The following FLT1 variants were observed in gnomAD, a reference collection of about 807,000 sequenced individuals.
FLT1 encodes fms related receptor tyrosine kinase 1.
Under a neutral mutation model 156.3 loss-of-function variants are expected in FLT1, and 49 were observed. The observed-to-expected ratio is 0.31, with a 90% CI of 0.25 to 0.40. The LOEUF is 0.40. Ranked by LOEUF, FLT1 falls within the 10% of genes least tolerant of loss-of-function variation. The pLI, the probability that FLT1 is intolerant of heterozygous loss-of-function variation, is 1.00. For missense variants in FLT1, 1,322 were observed against 1,637.2 expected (o/e 0.81, Z 3.32); for synonymous variants, 594 against 583.8 (o/e 1.02, Z -0.25).
At position 28,449,698 on chromosome 13, in the gene FLT1, T is replaced by C. The variant is rs569788229; in HGVS notation, c.389-11353A>G. Among the ~76,000 whole-genome samples the C allele has an allele frequency of 2.6e-5, 4 of 152,348 alleles. No individual in the cohort carries two copies. The East Asian group carries it at 7.7e-4, about 29-fold the overall frequency. On this transcript the variant is annotated intron_variant, in intron 3 of 29. Transcript: ENST00000282397. ...TCAGACTCAAGATGCCATTCTGAAATGAAACATTTAAAAATGTATTATTTG... is the reference window on the plus strand; with the variant it reads ...TCAGACTCAAGATGCCATTCTGAAACGAAACATTTAAAAATGTATTATTTG...
intron 17 of FLT1, among the ~76,000 whole-genome samples, chr13:28,334,952 T>C (rs1872061353): frequency 6.6e-6 from 1 of 152,130 alleles, no homozygotes; most frequent in African/African-American, 2.4e-5. Context: ...CTATCTGTTA[T>C]TACTGAATAT....
At chr13:28,372,726 A>C (rs994320376) in intron 14 of FLT1, among the ~76,000 whole-genome samples, 2 of 151,122 alleles carry the variant, frequency 1.3e-5, no homozygotes, top group Admixed American at 1.3e-4. Flanking sequence ...TACTAAAAAT[A>C]CAAAAGTTAG....
chr13:28,378,090 C>T (rs1162080802), intron 14 of FLT1, among the ~76,000 whole-genome samples: 1 of 146,118 alleles, frequency 6.8e-6, no homozygotes, highest in Non-Finnish European at 1.5e-5. Flanking sequence ...TGCTCTGTTG[C>T]CAGGCTGGAG....
chr13:28,412,303 CTT>C (rs1327022344), intron 10 of FLT1, among the ~76,000 whole-genome samples: 2 of 87,662 alleles, frequency 2.3e-5, no homozygotes, highest in Non-Finnish European at 5.2e-5. Flanking sequence ...TTCTTTTTCT[CTT>C]TCTCTTTCTT....
intron 1 of FLT1, among the ~76,000 whole-genome samples, chr13:28,491,437 G>T (rs1268534929): frequency 6.6e-6 from 1 of 152,158 alleles, no homozygotes; most frequent in Non-Finnish European, 1.5e-5. Flanking sequence ...CCTTAGAAGA[G>T]TTAATGCAAC....
chr13:28,454,222 C>T (rs1257947409), intron 3 of FLT1, among the ~76,000 whole-genome samples: 1 of 152,174 alleles, frequency 6.6e-6, no homozygotes, highest in East Asian at 1.9e-4. Flanking sequence ...TTTTCACACA[C>T]AGGGATTACT....
intron 1 of FLT1, among the ~76,000 whole-genome samples, chr13:28,490,655 C>T (rs557221610): frequency 3.3e-4 from 50 of 152,270 alleles, no homozygotes; most frequent in Admixed American, 2.0e-3. Context: ...CTCCTATAAA[C>T]GAAGGCCAAT....
chr13:28,401,595 G>A (rs1040013589), intron 11 of FLT1, among the ~76,000 whole-genome samples: 3 of 152,136 alleles, frequency 2.0e-5, no homozygotes, highest in African/African-American at 4.8e-5. Context: ...TTTTAATCTC[G>A]GGATGTTTCT....
intron 10 of FLT1, among the ~76,000 whole-genome samples, chr13:28,426,518 C>T (rs1026597504): frequency 1.3e-5 from 2 of 152,166 alleles, no homozygotes; most frequent in Non-Finnish European, 2.9e-5. Context: ...AGAGACAAAC[C>T]TTTGCGCATC....
At chr13:28,477,924 A>T (rs749545585) in intron 1 of FLT1, among the ~76,000 whole-genome samples, 1 of 152,208 alleles carries the variant, frequency 6.6e-6, no homozygotes, top group Admixed American at 6.5e-5. Flanking sequence ...CTCAGTGGAG[A>T]TGCCATTTCA....
chr13:28,385,521 T>G (rs1310778852), intron 13 of FLT1: 1 of 1,011,472 alleles, frequency 9.9e-7, no homozygotes, highest in Non-Finnish European at 1.2e-6. Flanking sequence ...TAACCTAAGT[T>G]GTAAGGCAGC....
chr13:28,459,855 A>G (rs992038660), intron 3 of FLT1, among the ~76,000 whole-genome samples: 1 of 152,242 alleles, frequency 6.6e-6, no homozygotes, highest in Non-Finnish European at 1.5e-5. Context: ...TCTCTGCCCA[A>G]CACAGTGCTG....
rs991429591 is a variant in FLT1, at chr13:28,303,256, C to G, written c.3928G>C (p.Asp1310His). The change falls in exon 30 of 30, where the codon GAC (aspartate) becomes CAC (histidine). Residue 1310 changes from aspartate to histidine, a missense_variant. Physicochemically the swap from Asp to His is moderately conservative, Grantham distance 81 (BLOSUM62 -1). This residue lies in a region of FLT1 where 329 missense variants were observed against 366.2 expected (regional missense o/e 0.90). Coordinates refer to ENST00000282397, the MANE Select transcript of FLT1 (RefSeq NM_002019.4). The part of the protein sequence containing the change: ...VSEGKRRFTY[D>H]HAELERKIAC... ...ATTTTCCTTTCCAGCTCAGCGTGGT[C>G]GTAGGTGAACCTGCGCTTGCCTTCG... The G allele has an allele frequency of 1.8e-5, 29 of 1,613,738 alleles. No individual in the cohort carries two copies. In the Middle Eastern group the frequency reaches 4.9e-4, roughly 27 times the overall value.
At chr13:28,326,977 A>T (rs1871711140) in intron 20 of FLT1, among the ~76,000 whole-genome samples, 1 of 152,244 alleles carries the variant, frequency 6.6e-6, no homozygotes, top group Non-Finnish European at 1.5e-5. Context: ...GGGCAGTGGA[A>T]AAGAAAGATA....
chr13:28,460,368 T>G (rs1368238263), intron 3 of FLT1, among the ~76,000 whole-genome samples: 2 of 152,212 alleles, frequency 1.3e-5, no homozygotes, highest in African/African-American at 4.8e-5. Flanking sequence ...AGAGAGTAAC[T>G]GGGGGACTTC....
intron 11 of FLT1, chr13:28,399,148 A>T: frequency 1.4e-6 from 2 of 1,457,812 alleles, no homozygotes. Flanking sequence ...GTCAAATACG[A>T]CTCTGACTCC....
chr13:28,336,887 A>G (rs1872138650), intron 17 of FLT1, among the ~76,000 whole-genome samples: 2 of 151,626 alleles, frequency 1.3e-5, no homozygotes. Flanking sequence ...AGCTGGGACT[A>G]CAGGCACGCG....
chr13:28,352,862 G>A (rs1411731988), intron 15 of FLT1, among the ~76,000 whole-genome samples: 2 of 152,220 alleles, frequency 1.3e-5, no homozygotes, highest in South Asian at 2.1e-4. Context: ...AGGAGCTAAC[G>A]TGGAGGGAGG....
intron 1 of FLT1, among the ~76,000 whole-genome samples, chr13:28,490,186 A>G (rs988426657): frequency 2.0e-5 from 3 of 152,172 alleles, no homozygotes; most frequent in South Asian, 2.1e-4. Flanking sequence ...GATTGGGTCA[A>G]TGAGGTTCCA....
Sources: gnomAD v4.1 joint callset for allele counts (sites outside exome capture counted in the v4.1 genomes callset) on GRCh38, gnomAD v4.1.1 for gene constraint, gnomAD v4.1.1 regional missense constraint, MANE v1.5 for transcripts, NCBI Gene and HGNC (gene_info 2026-07-23, HGNC 2026-07-21) for gene names.